The following FRAS1 variants were observed in gnomAD, a reference collection of about 807,000 sequenced individuals.
FRAS1 encodes extracellular matrix organizing protein FRAS1.
FRAS1 carries 290 observed loss-of-function variants against 435.2 expected under a neutral mutation model. That is an observed-to-expected ratio of 0.67 (90% confidence interval 0.61 to 0.73). FRAS1 has a LOEUF of 0.73. Ranked by LOEUF, FRAS1 falls within the 30% of genes least tolerant of loss-of-function variation. FRAS1 has a pLI of 0.00. For missense variants in FRAS1, 4,860 were observed against 5,001.5 expected, an observed-to-expected ratio of 0.97 and a Z score of 0.85; for synonymous variants, 1,800 against 1,851.0, an observed-to-expected ratio of 0.97 and a Z score of 0.71.
In FRAS1 at chr4:78,519,182, AG is replaced by A; in HGVS notation, c.10390-148del. ...ATTAGTTCCTTTATTTTTTTAAATA[AG>A]TAAGTGCAATCATGGGCACTTGCTT... On this transcript the variant is annotated intron_variant, in intron 66 of 73. Transcript: ENST00000512123. The A allele has an allele frequency of 7.4e-5, 30 of 402,974 alleles. 5 individuals are homozygous for A. Among genetic ancestry groups the A allele is most frequent in the Non-Finnish European group, 1.1e-4 (25 of 234,572 alleles). 25.0% of individuals were successfully genotyped at this position (402,974 alleles called of 1,614,324 possible).
chr4:78,193,641 C>T (rs1722655815), intron 2 of FRAS1, among the ~76,000 whole-genome samples: 1 of 152,214 alleles, frequency 6.6e-6, no homozygotes, highest in African/African-American at 2.4e-5. Flanking sequence ...TTCCTCCATC[C>T]CTTTATTTTG....
chr4:78,327,554 G>A (rs1016120998), intron 18 of FRAS1, among the ~76,000 whole-genome samples: 2 of 152,142 alleles, frequency 1.3e-5, no homozygotes, highest in African/African-American at 4.8e-5. Flanking sequence ...CAGGTTGGCT[G>A]GACTTTATAG....
At chr4:78,220,231 C>T (rs1723993537) in intron 2 of FRAS1, among the ~76,000 whole-genome samples, 1 of 152,206 alleles carries the variant, frequency 6.6e-6, no homozygotes, top group Non-Finnish European at 1.5e-5. Context: ...CGTTCATGGA[C>T]TATAGCTTGT....
intron 27 of FRAS1, 54 bp from the exon 28 acceptor site, chr4:78,384,005 A>G: frequency 7.5e-7 from 1 of 1,325,584 alleles, no homozygotes; most frequent in Non-Finnish European, 1.1e-6. Flanking sequence ...TTTTCTGTGT[A>G]AAGTCTAATG....
At chr4:78,396,932 T>G (rs1252615956) in intron 29 of FRAS1, among the ~76,000 whole-genome samples, 1 of 152,206 alleles carries the variant, frequency 6.6e-6, no homozygotes, top group Non-Finnish European at 1.5e-5. Flanking sequence ...CTTGAGTTTG[T>G]TTAGTCATCT....
At chr4:78,354,166 C>T (rs1560674030) in intron 20 of FRAS1, among the ~76,000 whole-genome samples, 1 of 152,134 alleles carries the variant, frequency 6.6e-6, no homozygotes, top group Non-Finnish European at 1.5e-5. Context: ...CCTTACCCTC[C>T]CCACTTCAAG....
intron 33 of FRAS1, among the ~76,000 whole-genome samples, chr4:78,419,893 TCTCA>T (rs745520188): frequency 7.9e-5 from 12 of 152,030 alleles, no homozygotes; most frequent in East Asian, 1.9e-4. Flanking sequence ...TTGTTTAAAA[TCTCA>T]CTCACTCACT....
intron 22 of FRAS1, among the ~76,000 whole-genome samples, chr4:78,367,632 A>T (rs1731328271): frequency 7.0e-6 from 1 of 143,328 alleles, no homozygotes; most frequent in Non-Finnish European, 1.5e-5. Context: ...CTGACTAAAA[A>T]TCTTAGATTT....
At chr4:78,112,852 G>T (rs993591593) in intron 2 of FRAS1, among the ~76,000 whole-genome samples, 1 of 151,174 alleles carries the variant, frequency 6.6e-6, no homozygotes, top group Admixed American at 6.6e-5. Flanking sequence ...TATACTTTAA[G>T]TTTTAGGGTA....
At chr4:78,315,293 A>G (rs982230297) in intron 15 of FRAS1, among the ~76,000 whole-genome samples, 3 of 152,208 alleles carry the variant, frequency 2.0e-5, no homozygotes, top group Non-Finnish European at 4.4e-5. Flanking sequence ...AAACCTGGCA[A>G]CCGCACCTCT....
At chr4:78,077,332 T>C (rs1305505945) in intron 2 of FRAS1, among the ~76,000 whole-genome samples, 1 of 152,188 alleles carries the variant, frequency 6.6e-6, no homozygotes. Flanking sequence ...ATCATACCAC[T>C]GCACTCCAGC....
chr4:78,525,433 G>A (rs1456623686), intron 69 of FRAS1, among the ~76,000 whole-genome samples: 1 of 152,220 alleles, frequency 6.6e-6, no homozygotes, highest in Non-Finnish European at 1.5e-5. Context: ...CTTTGTTAAA[G>A]TCATGCAGCC....
At position 78,103,957 on chromosome 4, in the gene FRAS1, T is replaced by C. The variant is rs530818182; in HGVS notation, c.108+37941T>C. The stretch of plus-strand genomic sequence containing the variant: ...AGGCTCTATGTCCAGTTGTGCCAGA[T>C]AGCAGCACCTTCCTGCACTCAGTGT... On this transcript the variant is annotated intron_variant, in intron 2 of 73. Transcript: ENST00000512123. Among the ~76,000 whole-genome samples, 12 of 152,360 alleles carry C rather than the reference T, an allele frequency of 7.9e-5. No individual in the cohort carries two copies. The East Asian group carries it at 1.5e-3, about 20-fold the overall frequency.
chr4:78,267,522 C>G lies in FRAS1; in HGVS notation c.981+90C>G. The G allele has an allele frequency of 5.7e-6, 7 of 1,218,296 alleles. No individual in the cohort carries two copies. The South Asian group carries it at 1.0e-4, about 18-fold the overall frequency. The allele number at this position is 1,218,296 out of a possible 1,614,324, so 75.5% of individuals were successfully genotyped here. ...CTGCCTGTTCTTTACTTCTTGGCAG[C>G]AGCAGGGATGTCCACATTGACTTCT... On this transcript the variant is annotated intron_variant, in intron 9 of 73. Coordinates refer to ENST00000512123, the MANE Select transcript of FRAS1 (RefSeq NM_025074.7).
intron 2 of FRAS1, among the ~76,000 whole-genome samples, chr4:78,195,953 T>C (rs1722792590): frequency 6.6e-6 from 1 of 152,020 alleles, no homozygotes; most frequent in Non-Finnish European, 1.5e-5. Context: ...ATTACTTTTT[T>C]TTTTTTTTTA....
At chr4:78,498,344 T>A (rs1167761190) in intron 60 of FRAS1, among the ~76,000 whole-genome samples, 3 of 152,072 alleles carry the variant, frequency 2.0e-5, no homozygotes, top group Admixed American at 6.6e-5. Context: ...CTGTCTCTAC[T>A]AAAAATACAA....
intron 9 of FRAS1, among the ~76,000 whole-genome samples, chr4:78,274,669 G>A (rs913813482): frequency 1.3e-5 from 2 of 152,148 alleles, no homozygotes; most frequent in East Asian, 3.8e-4. Context: ...ATTGCACTGT[G>A]GTCTGAGAGA....
rs756005814 is a variant in FRAS1 at position 78,450,309 on chromosome 4, C to T, written c.6433C>T (p.Arg2145Ter). The stretch of plus-strand genomic sequence containing the variant: ...GCAAATTTCTATTAAAGGCCCCATC[C>T]GAAGTTTCACCCAGGCAGACATTAG... ...LEQISIKGPI[R>*]SFTQADISQG... Residue 2145 changes from arginine to a stop codon, truncating the protein, a stop_gained, in exon 45 of 74, where the codon CGA becomes TGA. Transcript: ENST00000512123. LOFTEE classifies it high-confidence loss of function. 6.2e-6 allele frequency: 10 copies of T among 1,613,836 alleles called. No homozygotes were observed. The highest frequency in any genetic ancestry group is 8.5e-6 in the Non-Finnish European group (10 of 1,179,788).
chr4:78,304,480 G>A (rs1728599128), intron 14 of FRAS1, among the ~76,000 whole-genome samples: 1 of 152,198 alleles, frequency 6.6e-6, no homozygotes, highest in Non-Finnish European at 1.5e-5. Flanking sequence ...ATTCGGCTGT[G>A]AATCCATCTG....
Sources: allele counts gnomAD v4.1 joint callset (sites outside exome capture counted in the v4.1 genomes callset), GRCh38; gene constraint gnomAD v4.1.1; transcripts MANE v1.5; gene names NCBI Gene and HGNC (gene_info 2026-07-23, HGNC 2026-07-21).